The following DYTN variants were observed in gnomAD, a reference collection of about 807,000 sequenced individuals.
DYTN encodes the protein dystrotelin.
Under a neutral mutation model 69.6 loss-of-function variants are expected in DYTN, and 75 were observed. The ratio of observed to expected loss-of-function variants is 1.08; its 90% CI spans 0.89 to 1.31. The LOEUF is 1.31. Ranked by LOEUF, DYTN falls within the 50% of genes most tolerant of loss-of-function variation. The probability of loss-of-function intolerance (pLI) is 0.00; values close to 1 mark genes in which losing one functional copy is unlikely to be tolerated. For synonymous variants in DYTN, 252 were observed against 249.1 expected, an observed-to-expected ratio of 1.01 and a Z score of -0.11; for missense variants, 726 against 688.4, an observed-to-expected ratio of 1.05 and a Z score of -0.61.
At chr2:206,689,518 G>T (rs1403881573) in intron 9 of DYTN, among the ~76,000 whole-genome samples, 5 of 152,120 alleles carry the variant, frequency 3.3e-5, no homozygotes, top group Non-Finnish European at 5.9e-5. Flanking sequence ...CTGTACTTGG[G>T]GTGGACAGAG....
intron 9 of DYTN, among the ~76,000 whole-genome samples, chr2:206,666,967 C>T (rs1699579132): frequency 6.6e-6 from 1 of 152,060 alleles, no homozygotes; most frequent in Admixed American, 6.5e-5. Context: ...ATCACTTGAG[C>T]CCAGGAGTTA....
chr2:206,710,426 A>C, intron 2 of DYTN, 98 bp downstream of exon 2: 36 of 1,072,220 alleles, frequency 3.4e-5, no homozygotes, highest in Non-Finnish European at 4.5e-5. Context: ...AGAATCCAGT[A>C]GTCAGCTGCA....
At chr2:206,702,598 G>T (rs1418767872) in intron 5 of DYTN, among the ~76,000 whole-genome samples, 1 of 152,206 alleles carries the variant, frequency 6.6e-6, no homozygotes, top group Non-Finnish European at 1.5e-5. Flanking sequence ...TGGCTTGTGA[G>T]TGCTGATGAA....
At chr2:206,669,617 AATC>A (rs1407181142) in intron 9 of DYTN, among the ~76,000 whole-genome samples, 1 of 152,206 alleles carries the variant, frequency 6.6e-6, no homozygotes, top group Non-Finnish European at 1.5e-5. Flanking sequence ...CATTTTAAAT[AATC>A]ATTTTAAGAA....
intron 1 of DYTN, among the ~76,000 whole-genome samples, chr2:206,715,759 G>A (rs892996690): frequency 1.3e-5 from 2 of 152,150 alleles, no homozygotes; most frequent in Non-Finnish European, 2.9e-5. Flanking sequence ...GAGTTCAAGG[G>A]GGCTGTAGGC....
rs1415225495 is a variant in DYTN, at chr2:206,675,145, G to GTGTGTGTGTGTGTGTGTA, written c.981-9117_981-9116insTACACACACACACACACA. Among the ~76,000 whole-genome samples the GTGTGTGTGTGTGTGTGTA allele has an allele frequency of 3.9e-3, 464 of 120,266 alleles. 4 individuals are homozygous for GTGTGTGTGTGTGTGTGTA. In the Middle Eastern group the frequency reaches 0.039, roughly 10 times the overall value. 78.9% of individuals were successfully genotyped at this position (120,266 alleles called of 152,430 possible). The stretch of plus-strand genomic sequence containing the variant: ...TGTGTGTGTGTGTGTGTGTGTGTGT[G>GTGTGTGTGTGTGTGTGTA]TATATATGTGTATATATATTTAAAT... On this transcript the variant is annotated intron_variant, in intron 9 of 11. Coordinates refer to ENST00000452335, the MANE Select transcript of DYTN (RefSeq NM_001093730.1).
intron 5 of DYTN, among the ~76,000 whole-genome samples, chr2:206,703,880 C>T (rs1392305244): frequency 6.6e-6 from 1 of 152,168 alleles, no homozygotes; most frequent in Non-Finnish European, 1.5e-5. Flanking sequence ...AAGGGTACAA[C>T]AGGACAACAG....
chr2:206,671,552 G>A (rs1302026431), intron 9 of DYTN, among the ~76,000 whole-genome samples: 3 of 152,104 alleles, frequency 2.0e-5, no homozygotes, highest in African/African-American at 7.2e-5. Flanking sequence ...TCATGGCTTT[G>A]TAAAATGACT....
intron 2 of DYTN, 128 bp downstream of exon 2, chr2:206,710,396 A>G (rs548156881): frequency 1.2e-6 from 1 of 847,628 alleles, no homozygotes. Flanking sequence ...AATGGGCTAA[A>G]TGCACAAGTC....
At chr2:206,666,738 C>CGTGTGTGTGT (rs56345459) in intron 9 of DYTN, among the ~76,000 whole-genome samples, 17 of 145,738 alleles carry the variant, frequency 1.2e-4, no homozygotes, top group South Asian at 2.3e-4. Context: ...CATGGGTGTG[C>CGTGTGTGTGT]GTGTGTGTGT....
At chr2:206,669,525 T>C (rs781114821) in intron 9 of DYTN, among the ~76,000 whole-genome samples, 4 of 152,208 alleles carry the variant, frequency 2.6e-5, no homozygotes, top group Non-Finnish European at 1.5e-5. Flanking sequence ...CACTTTGTAG[T>C]GATAAATACT....
intron 9 of DYTN, among the ~76,000 whole-genome samples, chr2:206,667,796 G>T (rs1048258812): frequency 6.6e-6 from 1 of 151,728 alleles, no homozygotes; most frequent in Non-Finnish European, 1.5e-5. Context: ...AACTAAAATT[G>T]TCTAAATAAA....
Position 206,707,499 on chromosome 2 carries a change from G to A in DYTN, c.99C>T (p.Asp33=), listed in dbSNP as rs1430214685. ...GCTGAATCAGGGAGCTGTCAATCAAGTCCACTGTAGGAAGCAAATGAAGAA... is the reference window on the plus strand; with the variant it reads ...GCTGAATCAGGGAGCTGTCAATCAAATCCACTGTAGGAAGCAAATGAAGAA... ...LQSVQTLCQL[D]LIDSSLIQQV... is the part of the protein sequence containing the mutation. The change falls in exon 3 of 12, where the codon GAC becomes GAT. Residue 33 remains aspartate, a synonymous_variant. Transcript: ENST00000452335. 2 of 1,607,512 alleles carry A rather than the reference G, an allele frequency of 1.2e-6. No individual in the cohort carries two copies. Among genetic ancestry groups the A allele is most frequent in the Admixed American group, 1.7e-5 (1 of 59,082 alleles).
chr2:206,674,635 G>A (rs1158165297), intron 9 of DYTN, among the ~76,000 whole-genome samples: 2 of 152,044 alleles, frequency 1.3e-5, no homozygotes, highest in African/African-American at 2.4e-5. Flanking sequence ...GGAGTGGGGA[G>A]ATATTCTGAT....
chr2:206,658,212 T>C (rs1414804454), intron 11 of DYTN, among the ~76,000 whole-genome samples: 1 of 152,106 alleles, frequency 6.6e-6, no homozygotes, highest in Non-Finnish European at 1.5e-5. Flanking sequence ...TAAAAATTTC[T>C]CTATCTCTTT....
chr2:206,707,268 C>T, intron 3 of DYTN, 34 bp downstream of exon 3: 1 of 1,593,564 alleles, frequency 6.3e-7, no homozygotes, highest in Non-Finnish European at 8.5e-7. Context: ...TAAACTTTGC[C>T]TTTGAGGTCA....
intron 9 of DYTN, among the ~76,000 whole-genome samples, chr2:206,673,853 A>G (rs1476666246): frequency 1.3e-5 from 2 of 152,206 alleles, no homozygotes; most frequent in African/African-American, 4.8e-5. Flanking sequence ...TTTTGGGACA[A>G]CAGATTAAAG....
In DYTN at chr2:206,698,492, C is replaced by T. The variant is rs77500224; in HGVS notation, c.719+1235G>A. On this transcript the variant is annotated intron_variant, in intron 7 of 11. Transcript: ENST00000452335. The stretch of plus-strand genomic sequence containing the variant: ...TTGTCCCCTTCTCCTTCCGGGAACC[C>T]TCAGTTTTGCCTTGTATTTAGCTAC... Among the ~76,000 whole-genome samples, 379 of 152,244 alleles carry T rather than the reference C, an allele frequency of 2.5e-3. 4 individuals carry two copies. Among genetic ancestry groups the T allele is most frequent in the East Asian group, 0.023 (118 of 5,176 alleles).
intron 9 of DYTN, among the ~76,000 whole-genome samples, chr2:206,680,019 G>A (rs764948177): frequency 6.6e-6 from 1 of 152,206 alleles, no homozygotes; most frequent in Non-Finnish European, 1.5e-5. Context: ...GAAAGTCTGA[G>A]ATCAGAGTGC....
Sources: gnomAD v4.1 joint callset for allele counts (sites outside exome capture counted in the v4.1 genomes callset) on GRCh38, gnomAD v4.1.1 for gene constraint, MANE v1.5 for transcripts, NCBI Gene and HGNC (gene_info 2026-07-23, HGNC 2026-07-21) for gene names.